MCF2L2: variants seen among roughly 807,000 people sequenced by gnomAD.
MCF2L2 encodes the protein probable guanine nucleotide exchange factor MCF2L2.
In MCF2L2, 102 loss-of-function variants were observed where a neutral mutation model predicts 150.2. That is an observed-to-expected ratio of 0.68 (90% CI 0.58 to 0.80). The LOEUF is 0.80. MCF2L2 is among the 30% of genes least tolerant of loss of function. The pLI is 0.00. For missense variants in MCF2L2, 1,256 were observed against 1,372.8 expected (o/e 0.91, Z 1.34); for synonymous variants, 465 against 491.3 (o/e 0.95, Z 0.71).
intron 15 of MCF2L2, chr3:183,266,201 G>C (rs1726103426): frequency 6.6e-6 from 1 of 152,236 alleles, no homozygotes; most frequent in Admixed American, 6.5e-5. Flanking sequence ...GGGTGTGGGA[G>C]CAGTTGGACT....
intron 3 of MCF2L2, chr3:183,378,813 T>C (rs1577106503): frequency 6.7e-6 from 1 of 150,254 alleles, no homozygotes; most frequent in Non-Finnish European, 1.5e-5. Context: ...AGGTTAGGAG[T>C]TCGAGACCAG....
chr3:183,345,119 C>G (rs1329123677), intron 3 of MCF2L2, among the ~76,000 whole-genome samples: 1 of 152,170 alleles, frequency 6.6e-6, no homozygotes, highest in African/African-American at 2.4e-5. Context: ...AATATACATT[C>G]TTCTCAGCAC....
At chr3:183,416,813 G>C (rs767951939) in intron 1 of MCF2L2, among the ~76,000 whole-genome samples, 4 of 152,068 alleles carry the variant, frequency 2.6e-5, no homozygotes, top group Non-Finnish European at 5.9e-5. Flanking sequence ...GGTATTATAA[G>C]TAATTTAGAG....
At position 183,206,179 on chromosome 3, in the gene MCF2L2, C is replaced by T. The variant is rs1722464334; in HGVS notation, c.2748G>A (p.Gly916=). The part of the protein sequence containing the change: ...MTLSIRQLGR[G]SHRKFEIASR... Reference sequence around the variant, plus strand: ...TGGCAATCTCAAACTTTCTATGGCTCCCCCTTCCAAGCTGGCGAATTGAAA... The same window carrying T: ...TGGCAATCTCAAACTTTCTATGGCTTCCCCTTCCAAGCTGGCGAATTGAAA... Residue 916 remains glycine, a synonymous_variant, in exon 24 of 30, where the codon GGG becomes GGA. Coordinates refer to ENST00000328913, the MANE Select transcript of MCF2L2 (RefSeq NM_015078.4). 6.2e-7 allele frequency: 1 copy of T among 1,613,960 alleles called. No homozygotes were observed. The highest frequency in any genetic ancestry group is 8.5e-7 in the Non-Finnish European group (1 of 1,179,964).
chr3:183,225,921 T>A (rs1231082583), intron 18 of MCF2L2: 1 of 152,232 alleles, frequency 6.6e-6, no homozygotes, highest in Non-Finnish European at 1.5e-5. Flanking sequence ...AAGTTTAAGT[T>A]ATTTACTGGA....
intron 8 of MCF2L2, 87 bp downstream of exon 8, chr3:183,311,561 G>T: frequency 6.8e-7 from 1 of 1,461,866 alleles, no homozygotes. Flanking sequence ...CCCAATATTG[G>T]CTGTTCCAAT....
rs892992489 is a variant in MCF2L2 at position 183,270,475 on chromosome 3, G to T, written c.1862+6397C>A. 6.2e-7 allele frequency: 1 copy of T among 1,613,998 alleles called. No homozygotes were observed. Among genetic ancestry groups the T allele is most frequent in the Non-Finnish European group, 8.5e-7 (1 of 1,180,032 alleles). On this transcript the variant is annotated intron_variant, in intron 15 of 29. Transcript: ENST00000328913. This position sits in a 1 kb window ranked among gnomAD's most constrained non-coding sequence, Gnocchi z 4.5. Reference sequence around the variant, plus strand: ...TTTTGGATTGGTCGTGTTCATCGTGGTGCCCCTCCCATTAGAGATAAAAGC... The same window carrying T: ...TTTTGGATTGGTCGTGTTCATCGTGTTGCCCCTCCCATTAGAGATAAAAGC...
At chr3:183,355,482 C>T (rs1352599878) in intron 3 of MCF2L2, among the ~76,000 whole-genome samples, 1 of 151,278 alleles carries the variant, frequency 6.6e-6, no homozygotes, top group Non-Finnish European at 1.5e-5. Flanking sequence ...GAGTCTCGCT[C>T]TGTCGCATAG....
intron 2 of MCF2L2, 87 bp from the exon 3 acceptor site, chr3:183,379,498 A>G (rs749433319): frequency 1.3e-5 from 11 of 834,422 alleles, no homozygotes; most frequent in Non-Finnish European, 2.1e-5. Flanking sequence ...AATATCGGTC[A>G]CCTCTTTTCC....
At chr3:183,377,600 A>G (rs576290797) in intron 3 of MCF2L2, 1 of 152,358 alleles carries the variant, frequency 6.6e-6, no homozygotes, top group East Asian at 1.9e-4. Flanking sequence ...TTCACAGTCT[A>G]CTGGGAGAGG....
chr3:183,196,657 A>G (rs1039838947), intron 25 of MCF2L2, among the ~76,000 whole-genome samples: 3 of 152,144 alleles, frequency 2.0e-5, no homozygotes, highest in Admixed American at 1.3e-4. Flanking sequence ...GAGACATTTC[A>G]TCAGAGCCTA....
chr3:183,327,117 G>A (rs868678347), intron 5 of MCF2L2, among the ~76,000 whole-genome samples: 1 of 152,030 alleles, frequency 6.6e-6, no homozygotes, highest in Admixed American at 6.6e-5. Flanking sequence ...ACGAGGTCAG[G>A]AATTCGAGAC....
At chr3:183,399,804 ACTC>A (rs1275162938) in intron 1 of MCF2L2, among the ~76,000 whole-genome samples, 2 of 152,198 alleles carry the variant, frequency 1.3e-5, no homozygotes, top group African/African-American at 2.4e-5. Flanking sequence ...CGTCTCCTGA[ACTC>A]CTCCTGAAGA....
intron 15 of MCF2L2, among the ~76,000 whole-genome samples, chr3:183,257,941 G>T (rs1725197929): frequency 7.8e-6 from 1 of 128,102 alleles, no homozygotes; most frequent in African/African-American, 3.1e-5. Context: ...CTTATTCCTT[G>T]CTCCCTCCAC....
At chr3:183,308,993 T>A (rs1220372563) in intron 10 of MCF2L2, among the ~76,000 whole-genome samples, 1 of 152,220 alleles carries the variant, frequency 6.6e-6, no homozygotes, top group Non-Finnish European at 1.5e-5. Context: ...GGAACTTCTC[T>A]GGAAAGAGAC....
At chr3:183,253,907 GC>G (rs1724755073) in intron 15 of MCF2L2, 1 of 152,220 alleles carries the variant, frequency 6.6e-6, no homozygotes, top group Admixed American at 6.5e-5. Context: ...GGGAGTGTTG[GC>G]TTCCTTTCCG....
intron 3 of MCF2L2, among the ~76,000 whole-genome samples, chr3:183,363,780 AAGAC>A (rs1228880194): frequency 2.0e-5 from 3 of 152,206 alleles, no homozygotes; most frequent in African/African-American, 7.2e-5. Flanking sequence ...CTTTAAGTAC[AAGAC>A]AGAGCAAAGA....
intron 1 of MCF2L2, among the ~76,000 whole-genome samples, chr3:183,422,963 A>G (rs562829348): frequency 6.6e-6 from 1 of 152,312 alleles, no homozygotes; most frequent in Non-Finnish European, 1.5e-5. Flanking sequence ...TGGTAAGGGC[A>G]AGGGAGCTTT....
Position 183,309,763 on chromosome 3 carries a change from C to A in MCF2L2, c.1066G>T (p.Val356Leu). 6.2e-7 allele frequency: 1 copy of A among 1,613,968 alleles called. No individual in the cohort carries two copies. The highest frequency in any genetic ancestry group is 1.1e-5 in the South Asian group (1 of 91,074). ...TTGTGTTCCTTAAGAATCTGCTCCACGTGCATCACGCTGTCTCCAATGCCT... is the reference window on the plus strand; with the variant it reads ...TTGTGTTCCTTAAGAATCTGCTCCAAGTGCATCACGCTGTCTCCAATGCCT... ...FTGIGDSVMH[V>L]EQILKEHKKL... Residue 356 changes from valine to leucine, a missense_variant, in exon 10 of 30, where the codon GTG becomes TTG. Transcript: ENST00000328913.
Sources: allele counts gnomAD v4.1 joint callset (sites outside exome capture counted in the v4.1 genomes callset), GRCh38; gene constraint gnomAD v4.1.1; non-coding constraint Gnocchi (gnomAD v3.1); transcripts MANE v1.5; gene names NCBI Gene and HGNC (gene_info 2026-07-23, HGNC 2026-07-21).